The following MVP variants were observed in gnomAD, a reference collection of about 807,000 sequenced individuals.
MVP encodes lung resistance-related protein.
A neutral mutation model predicts 83.5 loss-of-function variants in MVP; 62 were observed. The observed-to-expected ratio is 0.74, with a 90% CI of 0.61 to 0.92. The LOEUF is 0.92. MVP is among the 40% of genes least tolerant of loss of function. The pLI, the probability that MVP is intolerant of heterozygous loss-of-function variation, is 0.00. For synonymous variants in MVP, 505 were observed against 504.1 expected (o/e 1.00, Z -0.02); for missense variants, 1,000 against 1,203.4 (o/e 0.83, Z 2.50).
chr16:29,831,195 C>T (rs1014793861), intron 3 of MVP, 122 bp downstream of exon 3: 15 of 1,010,260 alleles, frequency 1.5e-5, no homozygotes, highest in Admixed American at 1.1e-4. Flanking sequence ...TCACTCTTGT[C>T]GCCCAGGCTG....
chr16:29,843,530 A>AAGGGAGGGAGGG (rs2067551914), intron 10 of MVP, among the ~76,000 whole-genome samples: 1 of 20,346 alleles, frequency 4.9e-5, no homozygotes, highest in African/African-American at 3.3e-4. Context: ...GGAAGGGAGG[A>AAGGGAGGGAGGG]AGGGAGGAAG....
intron 11 of MVP, 141 bp from the exon 12 acceptor site, chr16:29,845,722 T>C: frequency 1.6e-6 from 1 of 644,314 alleles, no homozygotes; most frequent in Non-Finnish European, 2.7e-6. Context: ...TATACCATTC[T>C]GGGTTGAGTT....
At chr16:29,821,774 A>G (rs1385880556) in intron 1 of MVP, among the ~76,000 whole-genome samples, 3 of 152,228 alleles carry the variant, frequency 2.0e-5, no homozygotes, top group Non-Finnish European at 2.9e-5. Flanking sequence ...AATTGAGGGC[A>G]CTTAACACTA....
intron 5 of MVP, 21 bp downstream of exon 5, chr16:29,834,087 T>C: frequency 6.2e-7 from 1 of 1,610,132 alleles, no homozygotes; most frequent in Non-Finnish European, 8.5e-7. Flanking sequence ...CAAGGGGCGA[T>C]GATGGTGGGT....
rs573887179 is a variant in MVP at position 29,840,606 on chromosome 16, G to A, written c.1191+147G>A. ...CTGTCTGGTTGGGGGAGGGCACTAC[G>A]TGGAGTGTTTGCCATCCTTCTGCCT... On this transcript the variant is annotated intron_variant, in intron 8 of 14. Transcript: ENST00000357402. The A allele has an allele frequency of 6.6e-4, 610 of 926,630 alleles. 6 individuals are homozygous for A. In the Middle Eastern group the frequency reaches 8.0e-3, roughly 12 times the overall value. The allele number at this position is 926,630 out of a possible 1,614,324, so 57.4% of individuals were successfully genotyped here.
At chr16:29,832,292 CTTT>C (rs36059297) in intron 3 of MVP, among the ~76,000 whole-genome samples, 1 of 107,304 alleles carries the variant, frequency 9.3e-6, no homozygotes. Flanking sequence ...ATTCTTGTAC[CTTT>C]TTTTTTTTTT....
chr16:29,824,378 C>G (rs1567386773), intron 1 of MVP, among the ~76,000 whole-genome samples: 1 of 152,032 alleles, frequency 6.6e-6, no homozygotes, highest in Non-Finnish European at 1.5e-5. Context: ...GGGGTGGGGC[C>G]CCAGGCTGTG....
intron 1 of MVP, chr16:29,822,491 G>A (rs1345922953): frequency 1.3e-5 from 2 of 152,092 alleles, no homozygotes; most frequent in Non-Finnish European, 2.9e-5. Flanking sequence ...GAGAAACTCT[G>A]TGAAGTTGTG....
At chr16:29,840,686 A>C (rs2067527735) in intron 8 of MVP, among the ~76,000 whole-genome samples, 1 of 152,162 alleles carries the variant, frequency 6.6e-6, no homozygotes, top group South Asian at 2.1e-4. Context: ...TCACATCTGT[A>C]ATCTCAGCAC....
intron 7 of MVP, among the ~76,000 whole-genome samples, chr16:29,837,946 G>A (rs1173896135): frequency 6.6e-6 from 1 of 152,046 alleles, no homozygotes; most frequent in Non-Finnish European, 1.5e-5. Context: ...AACTATATGT[G>A]GGAATACCAG....
rs2067533998 is a variant in MVP, at chr16:29,841,483, G to T, written c.1192-113G>T. 7 of 1,361,646 alleles carry T rather than the reference G, an allele frequency of 5.1e-6. No homozygotes were observed. The highest frequency in any genetic ancestry group is 2.4e-5 in the East Asian group (1 of 41,670). The allele number at this position is 1,361,646 out of a possible 1,614,324, so 84.3% of individuals were successfully genotyped here. A position where few individuals can be genotyped will look rare whatever the true frequency, so the allele number is the denominator to read the frequency against. ...GGAGCCTGGCCTCCCCGTAGAGAAG[G>T]TGTTTAACCTCGTGGCGCGCCTTCC... On this transcript the variant is annotated intron_variant, in intron 8 of 14. Transcript: ENST00000357402. This position sits in a 1 kb window ranked among gnomAD's most constrained non-coding sequence, Gnocchi z 4.7.
At chr16:29,846,782 C>A (rs2067589249) in intron 13 of MVP, among the ~76,000 whole-genome samples, 1 of 152,084 alleles carries the variant, frequency 6.6e-6, no homozygotes, top group African/African-American at 2.4e-5. Flanking sequence ...TTGCTTGAAC[C>A]CAGGAGGTGT....
At chr16:29,845,805 G>C in intron 11 of MVP, 58 bp from the exon 12 acceptor site, 1 of 1,521,630 alleles carries the variant, frequency 6.6e-7, no homozygotes. Flanking sequence ...TGCCCTTGGC[G>C]CTCCTGTTCC....
At chr16:29,824,741 TAC>T (rs759670704) in intron 1 of MVP, among the ~76,000 whole-genome samples, 10 of 152,092 alleles carry the variant, frequency 6.6e-5, no homozygotes, top group Non-Finnish European at 5.9e-5. Flanking sequence ...CAGCCTGGGC[TAC>T]AGTCTCCAAA....
intron 11 of MVP, among the ~76,000 whole-genome samples, chr16:29,845,190 G>A (rs1457580193): frequency 2.9e-5 from 4 of 138,782 alleles, no homozygotes; most frequent in African/African-American, 5.9e-5. Context: ...GACTGACCCT[G>A]TCTCAAAAGA....
rs2067491859 is a variant in MVP, at chr16:29,836,866, A to G, written c.817A>G (p.Ile273Val). ...CGAGGAGGTGCTGGGGGTTGTGCCC[A>G]TCACCACCCTGGGCCCCCACAACTA... Reference protein sequence around the residue: ...VHEEVLGVVPITTLGPHNYCV... With the variant: ...VHEEVLGVVPVTTLGPHNYCV... The change falls in exon 7 of 15, where the codon ATC (isoleucine) becomes GTC (valine). Residue 273 changes from isoleucine (I) to valine (V), a missense_variant. Ile to Val is a conservative substitution (Grantham distance 29). Coordinates refer to ENST00000357402, the MANE Select transcript of MVP (RefSeq NM_005115.5). 6.2e-7 allele frequency: 1 copy of G among 1,613,878 alleles called. No homozygotes were observed. Among genetic ancestry groups the G allele is most frequent in the Admixed American group, 1.7e-5 (1 of 59,990 alleles).
chr16:29,833,674 G>A, intron 3 of MVP, 59 bp from the exon 4 acceptor site: 1 of 1,606,974 alleles, frequency 6.2e-7, no homozygotes, highest in South Asian at 1.1e-5. Context: ...CAGAGCATCA[G>A]GCTTGGCCCT....
rs772909358 is a variant in MVP, at chr16:29,836,976, C to T, written c.909+18C>T. ...TGGTCAAGGTGAGGTCCCTACACCC[C>T]CACAGAGGACTGCCCTGGGAGATGT... On this transcript the variant is annotated intron_variant, in intron 7 of 14. Coordinates refer to ENST00000357402, the MANE Select transcript of MVP (RefSeq NM_005115.5). 2 of 1,593,744 alleles carry T rather than the reference C, an allele frequency of 1.3e-6. No individual in the cohort carries two copies. The highest frequency in any genetic ancestry group is 2.2e-5 in the South Asian group (2 of 89,178).
At chr16:29,832,324 G>T (rs1043113064) in intron 3 of MVP, among the ~76,000 whole-genome samples, 43 of 130,592 alleles carry the variant, frequency 3.3e-4, no homozygotes, top group African/African-American at 1.2e-3. Context: ...TTGAGATGGA[G>T]TCTCACTCTG....
Sources: allele counts gnomAD v4.1 joint callset (sites outside exome capture counted in the v4.1 genomes callset), GRCh38; gene constraint gnomAD v4.1.1; non-coding constraint Gnocchi (gnomAD v3.1); transcripts MANE v1.5; gene names NCBI Gene and HGNC (gene_info 2026-07-23, HGNC 2026-07-21).